TENM4: variants seen among roughly 807,000 people sequenced by gnomAD.
TENM4 encodes the protein teneurin-4.
In TENM4, 82 loss-of-function variants were observed where a neutral mutation model predicts 243.3. The ratio of observed to expected loss-of-function variants is 0.34; its 90% CI spans 0.28 to 0.40. The LOEUF is 0.40. Among genes scored for constraint, TENM4 ranks in the 10% least tolerant of loss-of-function variants. The pLI is 1.00. For missense variants in TENM4, 3,138 were observed against 3,673.3 expected (o/e 0.85, Z 3.77); for synonymous variants, 1,412 against 1,456.3 (o/e 0.97, Z 0.69).
chr11:79,057,427 G>A (rs1168411033), intron 6 of TENM4, among the ~76,000 whole-genome samples: 1 of 151,938 alleles, frequency 6.6e-6, no homozygotes, highest in East Asian at 1.9e-4. Flanking sequence ...CTCACAGCCT[G>A]CTCCCTCACC....
intron 2 of TENM4, among the ~76,000 whole-genome samples, chr11:79,293,784 C>A (rs1191611650): frequency 6.6e-6 from 1 of 152,162 alleles, no homozygotes; most frequent in African/African-American, 2.4e-5. Flanking sequence ...CCGGTTTGGA[C>A]CCCGTTCTGA....
chr11:79,352,152 A>G (rs1857425045), intron 1 of TENM4, among the ~76,000 whole-genome samples: 1 of 152,226 alleles, frequency 6.6e-6, no homozygotes, highest in African/African-American at 2.4e-5. Flanking sequence ...TTGTTCCTGA[A>G]TATCTCCAAA....
At chr11:79,309,244 A>G (rs7931512) in intron 1 of TENM4, among the ~76,000 whole-genome samples, 36,288 of 152,216 alleles carry the variant, frequency 0.24, 4,627 homozygotes, top group African/African-American at 0.29. Flanking sequence ...GCCCCAAAAC[A>G]TATCTATATG....
At chr11:79,307,027 A>G (rs1442223334) in intron 1 of TENM4, among the ~76,000 whole-genome samples, 1 of 152,198 alleles carries the variant, frequency 6.6e-6, no homozygotes, top group East Asian at 1.9e-4. Context: ...TCCTGAGGAT[A>G]TATGTTTAAG....
At chr11:78,951,186 C>A (rs1857101739) in intron 6 of TENM4, among the ~76,000 whole-genome samples, 1 of 152,230 alleles carries the variant, frequency 6.6e-6, no homozygotes, top group African/African-American at 2.4e-5. Context: ...TGCCTTGTCC[C>A]CCTGTCTGCG....
chr11:79,168,081 A>G lies in TENM4; in HGVS notation c.-162-19275T>C, dbSNP rs141004734. ...CATTGTCTTGTGCCTGGCAGGCAGG[A>G]GCAGGGTGATGCTGAAGTCTGCTGC... is the stretch of plus-strand genomic sequence containing the variant. On this transcript the variant is annotated intron_variant, in intron 3 of 33. Transcript: ENST00000278550. Among the ~76,000 whole-genome samples, 3 of 152,318 alleles carry G rather than the reference A, an allele frequency of 2.0e-5. No individual in the cohort carries two copies. In the East Asian group the frequency reaches 5.8e-4, roughly 29 times the overall value.
chr11:79,037,138 C>T (rs1859409945), intron 6 of TENM4, among the ~76,000 whole-genome samples: 1 of 151,662 alleles, frequency 6.6e-6, no homozygotes, highest in Admixed American at 6.6e-5. Flanking sequence ...TGTATTACAA[C>T]ATCATCCAGG....
At chr11:78,835,327 G>A (rs1293241327) in intron 12 of TENM4, among the ~76,000 whole-genome samples, 1 of 152,142 alleles carries the variant, frequency 6.6e-6, no homozygotes, top group Non-Finnish European at 1.5e-5. Context: ...CCAACATGGT[G>A]AAACCCTGTC....
At chr11:79,244,099 C>A (rs1855472472) in intron 2 of TENM4, among the ~76,000 whole-genome samples, 1 of 152,124 alleles carries the variant, frequency 6.6e-6, no homozygotes, top group Non-Finnish European at 1.5e-5. Context: ...CTGGAGAGCC[C>A]CTTAGAACAC....
chr11:79,107,784 A>T (rs977435335), intron 4 of TENM4, among the ~76,000 whole-genome samples: 2 of 152,180 alleles, frequency 1.3e-5, no homozygotes, highest in Non-Finnish European at 2.9e-5. Context: ...GCATTTTCAC[A>T]CGTTATTGCA....
At chr11:79,078,910 A>G (rs1282140724) in intron 4 of TENM4, among the ~76,000 whole-genome samples, 1 of 152,246 alleles carries the variant, frequency 6.6e-6, no homozygotes, top group African/African-American at 2.4e-5. Context: ...CCAAGGTTCA[A>G]GCTTTTAATC....
rs537983833 is a variant in TENM4, at chr11:78,895,332, G to A, written c.750-3996C>T. Among the ~76,000 whole-genome samples the A allele has an allele frequency of 9.8e-5, 11 of 111,778 alleles. No individual in the cohort carries two copies. The South Asian group carries it at 2.2e-3, about 23-fold the overall frequency. The allele number at this position is 111,778 out of a possible 152,430, so 73.3% of individuals were successfully genotyped here. On this transcript the variant is annotated intron_variant, in intron 7 of 33. Coordinates refer to ENST00000278550, the MANE Select transcript of TENM4 (RefSeq NM_001098816.3). Reference sequence around the variant, plus strand: ...AGCCTGGGCGACAGAGTGAGACTCCGTCTCCAAAAAAAAAAAAAAGAAAAA... The same window carrying A: ...AGCCTGGGCGACAGAGTGAGACTCCATCTCCAAAAAAAAAAAAAAGAAAAA...
At chr11:79,039,221 T>G (rs1859458506) in intron 6 of TENM4, among the ~76,000 whole-genome samples, 1 of 152,176 alleles carries the variant, frequency 6.6e-6, no homozygotes, top group African/African-American at 2.4e-5. Flanking sequence ...GCAAAAATGA[T>G]TTTGTGATTT....
At chr11:78,928,226 C>A (rs965722210) in intron 6 of TENM4, among the ~76,000 whole-genome samples, 1 of 152,212 alleles carries the variant, frequency 6.6e-6, no homozygotes, top group East Asian at 1.9e-4. Flanking sequence ...TTTGTGTGCC[C>A]TGGAGCAGTT....
intron 6 of TENM4, among the ~76,000 whole-genome samples, chr11:79,064,301 T>C (rs990913486): frequency 6.6e-6 from 1 of 152,148 alleles, no homozygotes; most frequent in African/African-American, 2.4e-5. Flanking sequence ...CTGAACAACA[T>C]AAGATGCTGA....
intron 2 of TENM4, among the ~76,000 whole-genome samples, chr11:79,221,582 A>AGGGCATCTGGAATTCCCTGTT (rs1864155523): frequency 4.6e-5 from 7 of 151,640 alleles, no homozygotes. Flanking sequence ...TGTTCTAGAC[A>AGGGCATCTGGAATTCCCTGTT]CTCAGAGCCC....
At chr11:78,947,590 G>C (rs1857026105) in intron 6 of TENM4, among the ~76,000 whole-genome samples, 1 of 152,224 alleles carries the variant, frequency 6.6e-6, no homozygotes, top group African/African-American at 2.4e-5. Flanking sequence ...TTATGCCTTA[G>C]CTATAAACCT....
chr11:78,812,181 G>C lies in TENM4; in HGVS notation c.1919C>G (p.Thr640Ser). 1.9e-6 allele frequency: 3 copies of C among 1,551,856 alleles called. No homozygotes were observed. Among genetic ancestry groups the C allele is most frequent in the Non-Finnish European group, 2.6e-6 (3 of 1,147,048 alleles). The stretch of plus-strand genomic sequence containing the variant: ...GCAGATGCAGGTGCCCGTGATGCAG[G>C]TGCCATGGTTGCTGCAGGCCACATC... ...CIDVACSNHGTCITGTCICNP... is the reference protein window; with the variant it reads ...CIDVACSNHGSCITGTCICNP... Residue 640 changes from threonine (T) to serine (S), a missense_variant, in exon 14 of 34, where the codon ACC (threonine) becomes AGC (serine). Around this residue, in one of 2 missense-constraint regions of TENM4, gnomAD observed 2,467 missense variants for 3,059.1 expected, o/e 0.81. Coordinates refer to ENST00000278550, the MANE Select transcript of TENM4 (RefSeq NM_001098816.3).
intron 2 of TENM4, among the ~76,000 whole-genome samples, chr11:79,288,942 A>AAAAT (rs1402155407): frequency 2.0e-5 from 3 of 152,206 alleles, no homozygotes; most frequent in African/African-American, 7.2e-5. Context: ...GGGTAAGGGG[A>AAAAT]AAATAAGTCA....
Sources: gnomAD v4.1 joint callset for allele counts (sites outside exome capture counted in the v4.1 genomes callset) on GRCh38, gnomAD v4.1.1 for gene constraint, gnomAD v4.1.1 regional missense constraint, MANE v1.5 for transcripts, NCBI Gene and HGNC (gene_info 2026-07-23, HGNC 2026-07-21) for gene names.